Variants in GABRB1 observed in about 807,000 individuals in gnomAD.
The protein encoded by GABRB1 is gamma-aminobutyric acid receptor subunit beta-1.
A neutral mutation model predicts 51.6 loss-of-function variants in GABRB1; 17 were observed. The ratio of observed to expected loss-of-function variants is 0.33; its 90% CI spans 0.23 to 0.49. The LOEUF is 0.49. Ranked by LOEUF, GABRB1 falls within the 20% of genes least tolerant of loss-of-function variation. The pLI is 0.99. For synonymous variants in GABRB1, 247 were observed against 218.9 expected, an observed-to-expected ratio of 1.13 and a Z score of -1.14; for missense variants, 410 against 600.6, an observed-to-expected ratio of 0.68 and a Z score of 3.32.
chr4:47,286,061 A>G (rs1244293521), intron 4 of GABRB1, among the ~76,000 whole-genome samples: 3 of 152,228 alleles, frequency 2.0e-5, no homozygotes, highest in Non-Finnish European at 4.4e-5. Flanking sequence ...CCAAATTACT[A>G]AATCCATGAA....
intron 4 of GABRB1, among the ~76,000 whole-genome samples, chr4:47,287,757 T>G (rs1723564538): frequency 6.6e-6 from 1 of 152,214 alleles, no homozygotes; most frequent in Admixed American, 6.5e-5. Flanking sequence ...GGCCCTTTCT[T>G]GCTATTTTTC....
chr4:47,125,578 C>T (rs1347806457), intron 3 of GABRB1, among the ~76,000 whole-genome samples: 4 of 1,012 alleles, frequency 4.0e-3, no homozygotes, highest in African/African-American at 5.2e-3. Flanking sequence ...TTTTTTGAGA[C>T]GGAGTCTCGC....
At chr4:47,040,742 G>A (rs1015177175) in intron 3 of GABRB1, among the ~76,000 whole-genome samples, 1 of 152,160 alleles carries the variant, frequency 6.6e-6, no homozygotes, top group African/African-American at 2.4e-5. Flanking sequence ...AGATCCTGAA[G>A]CCCATAAATG....
At chr4:47,028,297 C>T (rs1031624505), upstream of GABRB1, among the ~76,000 whole-genome samples, 1 of 151,648 alleles carries the variant, frequency 6.6e-6, no homozygotes, top group South Asian at 2.1e-4. Flanking sequence ...TATCCATCCC[C>T]TTAAGCACTT....
At chr4:47,186,066 G>T (rs1300813570) in intron 4 of GABRB1, among the ~76,000 whole-genome samples, 1 of 151,808 alleles carries the variant, frequency 6.6e-6, no homozygotes, top group Non-Finnish European at 1.5e-5. Context: ...GGTCCCCAAA[G>T]TTCTTAATTG....
intron 3 of GABRB1, among the ~76,000 whole-genome samples, chr4:47,149,612 G>C (rs566669919): frequency 7.8e-4 from 119 of 152,066 alleles, no homozygotes; most frequent in Middle Eastern, 6.8e-3. Flanking sequence ...GTTTTCCCAT[G>C]CCATTAGTAT....
intron 1 of GABRB1, among the ~76,000 whole-genome samples, chr4:47,015,274 C>T (rs1334834674): frequency 2.0e-5 from 3 of 151,670 alleles, no homozygotes; most frequent in African/African-American, 7.3e-5. Flanking sequence ...TTTAAGAGGA[C>T]GTATAATAAT....
At chr4:47,415,244 G>A (rs1160146052) in intron 8 of GABRB1, among the ~76,000 whole-genome samples, 1 of 152,140 alleles carries the variant, frequency 6.6e-6, no homozygotes, top group Non-Finnish European at 1.5e-5. Flanking sequence ...GGATTTATTG[G>A]CCCACACAAC....
chr4:47,119,757 C>T (rs1438230898), intron 3 of GABRB1, among the ~76,000 whole-genome samples: 2 of 152,206 alleles, frequency 1.3e-5, no homozygotes, highest in Non-Finnish European at 2.9e-5. Flanking sequence ...GATCTGCCCA[C>T]CTCGGCCTCC....
chr4:47,115,001 T>C (rs1715402660), intron 3 of GABRB1, among the ~76,000 whole-genome samples: 1 of 152,178 alleles, frequency 6.6e-6, no homozygotes, highest in Non-Finnish European at 1.5e-5. Flanking sequence ...CTTTAAGCTC[T>C]TTAAATATGA....
intron 3 of GABRB1, among the ~76,000 whole-genome samples, chr4:47,058,385 T>A (rs1471333885): frequency 6.6e-6 from 1 of 152,118 alleles, no homozygotes; most frequent in Non-Finnish European, 1.5e-5. Context: ...CATAAACAGA[T>A]CTTTTAAAAG....
At chr4:47,171,720 T>C (rs898987403) in intron 4 of GABRB1, among the ~76,000 whole-genome samples, 1 of 152,178 alleles carries the variant, frequency 6.6e-6, no homozygotes, top group Non-Finnish European at 1.5e-5. Flanking sequence ...TTTGTATTCA[T>C]GTTCCATTTA....
At chr4:47,297,128 A>G (rs1265237694) in intron 4 of GABRB1, among the ~76,000 whole-genome samples, 5 of 152,098 alleles carry the variant, frequency 3.3e-5, no homozygotes, top group African/African-American at 7.2e-5. Context: ...AGGGAAATTT[A>G]TAGCACTAAA....
At chr4:47,124,991 T>A (rs768063279) in intron 3 of GABRB1, among the ~76,000 whole-genome samples, 52 of 152,064 alleles carry the variant, frequency 3.4e-4, no homozygotes, top group Non-Finnish European at 5.0e-4. Context: ...AGCTTAGAGA[T>A]TCCAAAACAG....
chr4:47,148,926 T>A (rs986469233), intron 3 of GABRB1, among the ~76,000 whole-genome samples: 1 of 152,002 alleles, frequency 6.6e-6, no homozygotes, highest in African/African-American at 2.4e-5. Context: ...AAAAGCTATG[T>A]CCTAGGAGGA....
chr4:47,267,349 A>G (rs548901049), intron 4 of GABRB1, among the ~76,000 whole-genome samples: 1 of 152,210 alleles, frequency 6.6e-6, no homozygotes, highest in African/African-American at 2.4e-5. Flanking sequence ...AGGAAAAAAT[A>G]TCAGTGAAAG....
At chr4:47,241,619 A>G (rs1406417418) in intron 4 of GABRB1, among the ~76,000 whole-genome samples, 2 of 152,176 alleles carry the variant, frequency 1.3e-5, no homozygotes, top group East Asian at 3.9e-4. Context: ...TCTCCTTCAT[A>G]AAGGGCATAT....
At chr4:47,305,748 GTA>G (rs1724444016) in intron 4 of GABRB1, among the ~76,000 whole-genome samples, 1 of 152,098 alleles carries the variant, frequency 6.6e-6, no homozygotes, top group Admixed American at 6.6e-5. Context: ...TTATCACCCA[GTA>G]TTAAATACCA....
At chr4:47,205,175 C>T (rs1381547690) in intron 4 of GABRB1, among the ~76,000 whole-genome samples, 1 of 152,124 alleles carries the variant, frequency 6.6e-6, no homozygotes, top group African/African-American at 2.4e-5. Context: ...CCTCCAAATA[C>T]TCCTGAGAAA....
Sources: gnomAD v4.1 joint callset for allele counts (sites outside exome capture counted in the v4.1 genomes callset) on GRCh38, gnomAD v4.1.1 for gene constraint, MANE v1.5 for transcripts, NCBI Gene and HGNC (gene_info 2026-07-23, HGNC 2026-07-21) for gene names.